Variants in ETV1 observed in about 807,000 individuals in gnomAD.
ETV1 encodes the protein ETS variant transcription factor 1.
Under a neutral mutation model 62.3 loss-of-function variants are expected in ETV1, and 27 were observed. The ratio of observed to expected loss-of-function variants is 0.43; its 90% confidence interval spans 0.32 to 0.60. ETV1 has a LOEUF of 0.60. Ranked by LOEUF, ETV1 falls within the 20% of genes least tolerant of loss-of-function variation. ETV1 has a pLI of 0.06. For synonymous variants in ETV1, 222 were observed against 199.6 expected, an observed-to-expected ratio of 1.11 and a Z score of -0.94; for missense variants, 605 against 605.8, an observed-to-expected ratio of 1.00 and a Z score of 0.01.
In ETV1 at chr7:13,935,874, C is replaced by T. The variant is rs867637434; in HGVS notation, c.388G>A (p.Val130Met). ...NVSAYDQKPQVGMRPSNPPTP... is the reference protein window; with the variant it reads ...NVSAYDQKPQMGMRPSNPPTP... ...GGGGGGTTGGAGGGCCTCATTCCCA[C>T]TTGTGGCTTCTGATCATAGGCACTA... Residue 130 changes from valine (V) to methionine (M), a missense_variant, in exon 8 of 14, where the codon GTG becomes ATG. Around this residue, in one of 3 missense-constraint regions of ETV1, gnomAD observed 426 missense variants for 377.8 expected, o/e 1.13. Coordinates refer to ENST00000430479, the MANE Select transcript of ETV1 (RefSeq NM_004956.5). 4 of 1,613,484 alleles carry T rather than the reference C, an allele frequency of 2.5e-6. No individual in the cohort carries two copies. The highest frequency in any genetic ancestry group is 1.3e-5 in the African/African-American group (1 of 74,968).
upstream of ETV1, chr7:13,989,699 T>G (rs1782875202): frequency 2.5e-6 from 1 of 398,296 alleles, no homozygotes; most frequent in South Asian, 1.4e-4. Context: ...TTTCCTCTAC[T>G]TCTCCTCCAG....
In ETV1 at chr7:13,981,225, T is replaced by C. The variant is rs150169869; in HGVS notation, c.182-3745A>G. Among the ~76,000 whole-genome samples the C allele has an allele frequency of 2.6e-5, 4 of 152,218 alleles. No homozygotes were observed. In the East Asian group the frequency reaches 7.7e-4, roughly 29 times the overall value. On this transcript the variant is annotated intron_variant, in intron 5 of 13. Transcript: ENST00000430479. ...ACCTGGAGCCAAACAAGGCGGAAGATGTATGAGTCATTCTTTCTGCCCGTG... is the reference window on the plus strand; with the variant it reads ...ACCTGGAGCCAAACAAGGCGGAAGACGTATGAGTCATTCTTTCTGCCCGTG...
chr7:13,901,913 T>G (rs2189885), intron 12 of ETV1, among the ~76,000 whole-genome samples: 9,108 of 152,180 alleles, frequency 0.06, 392 homozygotes, highest in African/African-American at 0.12. Context: ...GAGCAATGTA[T>G]CTAAGAGTTT....
intron 5 of ETV1, among the ~76,000 whole-genome samples, chr7:13,978,353 T>C (rs529278140): frequency 6.6e-6 from 1 of 151,866 alleles, no homozygotes; most frequent in African/African-American, 2.4e-5. Flanking sequence ...TATTCCAAAC[T>C]GAATATTAGT....
rs770257114 is a variant in ETV1 at position 13,988,160 on chromosome 7, C to G, written c.59G>C (p.Arg20Thr). The G allele has an allele frequency of 6.2e-7, 1 of 1,609,640 alleles. No homozygotes were observed. Among genetic ancestry groups the G allele is most frequent in the Non-Finnish European group, 8.5e-7 (1 of 1,176,046 alleles). The change falls in exon 4 of 14, where the codon AGA (arginine) becomes ACA (threonine). Residue 20 changes from arginine to threonine, a missense_variant. Arg to Thr is a moderately conservative substitution (Grantham distance 71). Coordinates refer to ENST00000430479, the MANE Select transcript of ETV1 (RefSeq NM_004956.5). Reference protein sequence around the residue: ...PYMVTNSQRGRNCNEKPTNVR... With the variant: ...PYMVTNSQRGTNCNEKPTNVR... ...ATTTGTTGGTTTCTCGTTACAATTT[C>G]TCCCACGCTGACTCTACAAAGGGAA...
chr7:13,931,630 T>C lies in ETV1; in HGVS notation c.674A>G (p.Gln225Arg). ...GTCGTGGTACTCCTGCTTAAAGCCT[T>C]GTGGTGGGAAGGGGATGTTTGGCTC... ...MSEPNIPFPP[Q>R]GFKQEYHDPV... is the part of the protein sequence containing the mutation. The change falls in exon 9 of 14, where the codon CAA becomes CGA. Residue 225 changes from glutamine to arginine, a missense_variant. By Grantham distance (43) the Gln-to-Arg change is conservative. Transcript: ENST00000430479. The C allele has an allele frequency of 6.2e-7, 1 of 1,614,002 alleles. No individual in the cohort carries two copies. Among genetic ancestry groups the C allele is most frequent in the Non-Finnish European group, 8.5e-7 (1 of 1,179,896 alleles).
chr7:13,907,543 T>TAC, intron 11 of ETV1, among the ~76,000 whole-genome samples: 1 of 148,128 alleles, frequency 6.8e-6, no homozygotes, highest in African/African-American at 2.5e-5. Flanking sequence ...ATATTAATTT[T>TAC]ACAAAAAAAA....
chr7:13,984,181 G>A (rs1445369061), intron 5 of ETV1, among the ~76,000 whole-genome samples: 2 of 151,910 alleles, frequency 1.3e-5, no homozygotes, highest in Non-Finnish European at 2.9e-5. Flanking sequence ...TCTAACTCAT[G>A]CGAGAAACTT....
intron 9 of ETV1, among the ~76,000 whole-genome samples, chr7:13,924,852 A>G (rs559891890): frequency 6.6e-6 from 1 of 152,330 alleles, no homozygotes; most frequent in Non-Finnish European, 1.5e-5. Context: ...AGCTTTCATG[A>G]TAACAGGATT....
chr7:13,985,299 T>C (rs1782436633), intron 5 of ETV1: 1 of 152,132 alleles, frequency 6.6e-6, no homozygotes, highest in Non-Finnish European at 1.5e-5. Context: ...AAGTTTCATT[T>C]ACACAGACTA....
intron 11 of ETV1, 32 bp from the exon 12 acceptor site, chr7:13,906,631 T>C (rs1481327406): frequency 1.3e-6 from 2 of 1,490,840 alleles, no homozygotes; most frequent in Admixed American, 4.1e-5. Flanking sequence ...TTTCTATTAT[T>C]AGCAATACTA....
chr7:13,952,228 C>G (rs2282870), intron 6 of ETV1, among the ~76,000 whole-genome samples: 83,903 of 151,858 alleles, frequency 0.55, 23,866 homozygotes, highest in African/African-American at 0.7. Flanking sequence ...ACCTCCCTGG[C>G]CTTCCATTCC....
At chr7:13,899,095 C>T (rs1782135397) in intron 13 of ETV1, among the ~76,000 whole-genome samples, 1 of 152,172 alleles carries the variant, frequency 6.6e-6, no homozygotes, top group Non-Finnish European at 1.5e-5. Context: ...AAACCTAATT[C>T]CTGACTGCCT....
intron 5 of ETV1, among the ~76,000 whole-genome samples, chr7:13,984,182 C>T (rs765982): frequency 1.3e-5 from 2 of 151,830 alleles, no homozygotes; most frequent in Non-Finnish European, 2.9e-5. Context: ...CTAACTCATG[C>T]GAGAAACTTG....
At chr7:13,964,799 G>C (rs906337929) in intron 6 of ETV1, among the ~76,000 whole-genome samples, 6 of 151,940 alleles carry the variant, frequency 3.9e-5, no homozygotes, top group Admixed American at 1.3e-4. Flanking sequence ...AAAGCATCCA[G>C]GTTCATACTT....
intron 5 of ETV1, chr7:13,986,368 T>TG (rs1466131169): frequency 6.7e-7 from 1 of 1,488,294 alleles, no homozygotes; most frequent in Non-Finnish European, 8.9e-7. Flanking sequence ...GCTTAGAACT[T>TG]GAAGTCTTGG....
rs767736816 is a variant in ETV1, at chr7:13,909,678, G to T, written c.894C>A (p.Pro298=). 1 of 1,613,242 alleles carries T rather than the reference G, an allele frequency of 6.2e-7. No individual in the cohort carries two copies. Among genetic ancestry groups the T allele is most frequent in the South Asian group, 1.1e-5 (1 of 91,044 alleles). ...CACAGGTGTCATCATAAAACTGCCT[G>T]GGGCCCTTTTCAAACATACAGCCTG... ...RTEGCMFEKG[P]RQFYDDTCVV... The change falls in exon 11 of 14, where the codon CCC becomes CCA. Residue 298 remains proline, a synonymous_variant. Coordinates refer to ENST00000430479, the MANE Select transcript of ETV1 (RefSeq NM_004956.5).
At chr7:13,989,851 C>T (rs1328042672), upstream of ETV1, 4 of 364,812 alleles carry the variant, frequency 1.1e-5, no homozygotes, top group South Asian at 1.5e-4. Flanking sequence ...AGGGGGTGCT[C>T]GGCCGGTAGG....
rs1562578039 is a variant in ETV1, at chr7:13,896,753, A to AAAGAAAGAAAGAAAG, written c.1213-681_1213-667dup. Among the ~76,000 whole-genome samples, 6 of 146,268 alleles carry AAAGAAAGAAAGAAAG rather than the reference A, an allele frequency of 4.1e-5. No homozygotes were observed. The East Asian group carries it at 1.2e-3, about 29-fold the overall frequency. Reference sequence around the variant, plus strand: ...AGAAAAAGAAAGAAAGGAAAGAAAGAAAGAAAGAAAGAAAGAAAGAAAGAA... The same window carrying AAAGAAAGAAAGAAAG: ...AGAAAAAGAAAGAAAGGAAAGAAAGAAAGAAAGAAAGAAAGAAGAAAGAAAGAAAGAAAGAAAGAA... On this transcript the variant is annotated intron_variant, in intron 13 of 13. Transcript: ENST00000430479.
Sources: allele counts gnomAD v4.1 joint callset (sites outside exome capture counted in the v4.1 genomes callset), GRCh38; gene constraint gnomAD v4.1.1; regional missense constraint gnomAD v4.1.1; transcripts MANE v1.5; gene names NCBI Gene and HGNC (gene_info 2026-07-23, HGNC 2026-07-21).